REPS2: variants seen among roughly 807,000 people sequenced by gnomAD.
REPS2 encodes the protein RALBP1 associated Eps domain containing 2.
Under a neutral mutation model 53.6 loss-of-function variants are expected in REPS2, and 23 were observed. The ratio of observed to expected loss-of-function variants is 0.43; its 90% CI spans 0.31 to 0.61. The LOEUF (loss-of-function observed/expected upper bound fraction) is 0.61. Among genes scored for constraint, REPS2 ranks in the 20% least tolerant of loss-of-function variants. The probability of loss-of-function intolerance (pLI) is 0.11; values close to 1 mark genes in which losing one functional copy is unlikely to be tolerated. For missense variants in REPS2, 446 were observed against 534.9 expected (o/e 0.83, Z 1.64); for synonymous variants, 238 against 218.6 (o/e 1.09, Z -0.78).
intron 1 of REPS2, among the ~76,000 whole-genome samples, chrX:16,975,116 T>C (rs1422902533): frequency 4.5e-5 from 5 of 112,332 alleles, no homozygotes; most frequent in African/African-American, 9.7e-5. Flanking sequence ...CAGTCTATCA[T>C]TGATGGGCAT....
the REPS2 span, among the ~76,000 whole-genome samples, chrX:17,172,522 A>G: frequency 1.8e-5 from 2 of 112,163 alleles, no homozygotes; most frequent in African/African-American, 6.5e-5. Flanking sequence ...TACAGCCTGT[A>G]GAACCATGAG....
chrX:17,180,732 C>T, the REPS2 span, among the ~76,000 whole-genome samples: 1 of 111,393 alleles, frequency 9.0e-6, no homozygotes, highest in Non-Finnish European at 1.9e-5. Flanking sequence ...TTTCGCCTAC[C>T]ACTTTTCCTG....
chrX:16,947,661 A>G (rs1455010070), intron 1 of REPS2, among the ~76,000 whole-genome samples: 2 of 111,985 alleles, frequency 1.8e-5, no homozygotes, highest in Admixed American at 1.9e-4. Flanking sequence ...TGCCCATAAC[A>G]TATTTCTAAA....
At chrX:17,036,422 G>A (rs1307362410) in intron 5 of REPS2, among the ~76,000 whole-genome samples, 1 of 111,784 alleles carries the variant, frequency 8.9e-6, no homozygotes, top group Non-Finnish European at 1.9e-5. Flanking sequence ...TTTCTTTTGA[G>A]TATTGGTTTG....
At chrX:17,059,987 A>AGTTTCATCAAGAGTCTCCTTTTGATG (rs1360522621) in intron 8 of REPS2, among the ~76,000 whole-genome samples, 2 of 112,387 alleles carry the variant, frequency 1.8e-5, no homozygotes, top group African/African-American at 6.4e-5. Context: ...TCCTTTTGAT[A>AGTTTCATCAAGAGTCTCCTTTTGATG]GTTTCATCAA....
intron 13 of REPS2, among the ~76,000 whole-genome samples, chrX:17,095,146 G>A (rs2062678786): frequency 8.9e-6 from 1 of 111,812 alleles, no homozygotes; most frequent in African/African-American, 3.3e-5. Flanking sequence ...TGGAATATAT[G>A]AGCAAATTGA....
chrX:17,061,418 G>A (rs2062157533), intron 8 of REPS2, among the ~76,000 whole-genome samples: 1 of 112,196 alleles, frequency 8.9e-6, no homozygotes, highest in African/African-American at 3.2e-5. Context: ...GTCATTACAG[G>A]TGTGAGCCAC....
intron 11 of REPS2, among the ~76,000 whole-genome samples, chrX:17,073,826 G>A (rs1342735827): frequency 9.3e-6 from 1 of 107,273 alleles, no homozygotes; most frequent in African/African-American, 3.4e-5. Context: ...TTTCAAGGGG[G>A]TTGTCTTTTT....
At chrX:17,159,491 C>T in the REPS2 span, among the ~76,000 whole-genome samples, 4 of 111,291 alleles carry the variant, frequency 3.6e-5, no homozygotes, top group South Asian at 7.6e-4. Context: ...ACCCTGGAAG[C>T]ATAACATAGT....
At chrX:16,980,515 A>G (rs913345408) in intron 1 of REPS2, among the ~76,000 whole-genome samples, 68 of 110,464 alleles carry the variant, frequency 6.2e-4, no homozygotes, top group African/African-American at 2.2e-3. Flanking sequence ...GTTGGCCAGG[A>G]TGGTCGCGAT....
At chrX:17,018,731 C>G (rs1447061649) in intron 2 of REPS2, among the ~76,000 whole-genome samples, 1 of 109,886 alleles carries the variant, frequency 9.1e-6, no homozygotes, top group Non-Finnish European at 1.9e-5. Context: ...TATTGTCTAG[C>G]TAATGAGGCT....
the REPS2 span, among the ~76,000 whole-genome samples, chrX:17,189,246 A>C: frequency 3.8e-5 from 4 of 105,904 alleles, no homozygotes; most frequent in Non-Finnish European, 8.1e-5. Flanking sequence ...CATGCCACTT[A>C]TCTCTCTAAA....
At chrX:17,093,770 A>G (rs1336091836) in intron 13 of REPS2, among the ~76,000 whole-genome samples, 1 of 92,145 alleles carries the variant, frequency 1.1e-5, no homozygotes, top group Admixed American at 1.4e-4. Context: ...TAAGACATAT[A>G]GTAAATTACT....
intron 14 of REPS2, among the ~76,000 whole-genome samples, chrX:17,128,621 C>A (rs778805670): frequency 9.0e-6 from 1 of 111,463 alleles, no homozygotes; most frequent in African/African-American, 3.3e-5. Context: ...ACCAGAGGTA[C>A]GAAAAAAATA....
intron 2 of REPS2, among the ~76,000 whole-genome samples, chrX:17,009,396 G>C (rs1276083560): frequency 9.3e-6 from 1 of 107,756 alleles, no homozygotes; most frequent in Non-Finnish European, 1.9e-5. Flanking sequence ...TTGAACTACT[G>C]AGCTCAAGTG....
chrX:17,041,293 G>A (rs905547050), intron 5 of REPS2, among the ~76,000 whole-genome samples: 4 of 110,988 alleles, frequency 3.6e-5, no homozygotes, highest in African/African-American at 1.3e-4. Context: ...TTTCTGGTTG[G>A]GCAGCCACTT....
rs137985831 is a variant in REPS2, at chrX:17,088,588, C to CT, written c.1516+11199dup. Among the ~76,000 whole-genome samples, 715 of 94,101 alleles carry CT rather than the reference C, an allele frequency of 7.6e-3. 6 individuals are homozygous for CT. Among genetic ancestry groups the CT allele is most frequent in the Middle Eastern group, 0.022 (4 of 178 alleles). The allele number at this position is 94,101 out of a possible 115,157, so 81.7% of individuals were successfully genotyped here. ...TGTTCTCCATCAGAATCTTTCTTTCCTTTTTTTTTTTTTTTTTTAAGATGG... is the reference window on the plus strand; with the variant it reads ...TGTTCTCCATCAGAATCTTTCTTTCCTTTTTTTTTTTTTTTTTTTAAGATGG... On this transcript the variant is annotated intron_variant, in intron 13 of 17. Coordinates refer to ENST00000357277, the MANE Select transcript of REPS2 (RefSeq NM_004726.3).
chrX:17,160,617 T>G, the REPS2 span, among the ~76,000 whole-genome samples: 1 of 112,212 alleles, frequency 8.9e-6, no homozygotes, highest in Non-Finnish European at 1.9e-5. Context: ...CAAACTCTGC[T>G]GGCAGGCAGC....
intron 15 of REPS2, among the ~76,000 whole-genome samples, chrX:17,134,273 G>C (rs1198227102): frequency 1.8e-5 from 2 of 111,551 alleles, no homozygotes; most frequent in African/African-American, 6.5e-5. Context: ...TCTCCTTTTT[G>C]GTCTTTGTAC....
Sources: gnomAD v4.1 joint callset for allele counts (sites outside exome capture counted in the v4.1 genomes callset) on GRCh38, gnomAD v4.1.1 for gene constraint, MANE v1.5 for transcripts, NCBI Gene and HGNC (gene_info 2026-07-23, HGNC 2026-07-21) for gene names.